Variants in PVT1 observed in about 807,000 individuals in gnomAD.
PVT1 encodes CXCR4/PVT1 fusion.
At chr8:127,991,097 T>G (rs1279615894) in intron 4 of PVT1, among the ~76,000 whole-genome samples, 1 of 152,066 alleles carries the variant, frequency 6.6e-6, no homozygotes, top group Non-Finnish European at 1.5e-5. Context: ...AGCTGACAAG[T>G]CTTCCTTGGG....
intron 4 of PVT1, among the ~76,000 whole-genome samples, chr8:128,052,292 A>G (rs140996435): frequency 6.7e-4 from 86 of 128,750 alleles, no homozygotes; most frequent in African/African-American, 2.4e-3. Flanking sequence ...GTGAAGGCCA[A>G]CCTGGTACTA....
rs569658514 is a variant in PVT1 at position 127,943,489 on chromosome 8, C to T, written n.783-45673C>T. On this transcript the variant is annotated intron_variant and non_coding_transcript_variant, in intron 3 of 10. Transcript: ENST00000651587. ...CTACAGCAGAGTTTCTCAGCCTTGG[C>T]GCTGTTCATATTTTGGGTCAGATGA... 2.2e-4 allele frequency among the ~76,000 whole-genome samples: 34 copies of T among 152,224 alleles called. 1 individual carries two copies. The South Asian group carries it at 5.4e-3, about 24-fold the overall frequency.
At chr8:127,991,002 T>C (rs1195831418) in intron 4 of PVT1, among the ~76,000 whole-genome samples, 2 of 152,234 alleles carry the variant, frequency 1.3e-5, no homozygotes, top group Admixed American at 6.5e-5. Context: ...TGTTTAGAGC[T>C]CAGCACCTTT....
At chr8:127,969,208 T>C (rs1816736135) in intron 3 of PVT1, among the ~76,000 whole-genome samples, 2 of 152,186 alleles carry the variant, frequency 1.3e-5, no homozygotes, top group Admixed American at 1.3e-4. Context: ...TCATTCTTCA[T>C]TATTAATGGG....
At chr8:128,039,965 T>C (rs1813511667) in intron 4 of PVT1, among the ~76,000 whole-genome samples, 1 of 152,238 alleles carries the variant, frequency 6.6e-6, no homozygotes. Context: ...AACTACAGAA[T>C]GAAGTTTCCA....
chr8:127,991,634 G>C (rs1452398400), intron 4 of PVT1, among the ~76,000 whole-genome samples: 1 of 152,196 alleles, frequency 6.6e-6, no homozygotes, highest in African/African-American at 2.4e-5. Context: ...TGGCAGGTCT[G>C]TCTCGGGGTG....
intron 3 of PVT1, among the ~76,000 whole-genome samples, chr8:127,979,411 C>T (rs1374859015): frequency 6.6e-6 from 1 of 152,230 alleles, no homozygotes; most frequent in East Asian, 1.9e-4. Flanking sequence ...CCCTTCTGGT[C>T]CTGGAACCTT....
chr8:128,002,986 T>TTCCTTCCTTCCTTCCG (rs1817200331), intron 4 of PVT1, among the ~76,000 whole-genome samples: 1 of 123,322 alleles, frequency 8.1e-6, no homozygotes, highest in Non-Finnish European at 1.6e-5. Flanking sequence ...CCTTCCTTCC[T>TTCCTTCCTTCCTTCCG]TCCTTCCTCC....
intron 4 of PVT1, among the ~76,000 whole-genome samples, chr8:128,050,002 C>G (rs1410822166): frequency 6.6e-6 from 1 of 152,140 alleles, no homozygotes; most frequent in Non-Finnish European, 1.5e-5. Flanking sequence ...AGGAGATGAC[C>G]GATGATCACG....
At chr8:127,853,651 G>T (rs2129737484) in intron 2 of PVT1, among the ~76,000 whole-genome samples, 1 of 152,002 alleles carries the variant, frequency 6.6e-6, no homozygotes, top group South Asian at 2.1e-4. Context: ...TGTGGTGGTG[G>T]GTGCCTGTAA....
chr8:127,847,891 A>C (rs1815053825), intron 2 of PVT1, among the ~76,000 whole-genome samples: 1 of 151,970 alleles, frequency 6.6e-6, no homozygotes, highest in Non-Finnish European at 1.5e-5. Flanking sequence ...AGGGAGGAAG[A>C]TGCATGAAGA....
At chr8:127,968,388 G>T (rs1018058009) in intron 3 of PVT1, among the ~76,000 whole-genome samples, 1 of 152,024 alleles carries the variant, frequency 6.6e-6, no homozygotes, top group Non-Finnish European at 1.5e-5. Flanking sequence ...GGGTGGGATG[G>T]GGGGTGGTTT....
intron 3 of PVT1, among the ~76,000 whole-genome samples, chr8:127,916,898 G>T (rs898330640): frequency 6.6e-6 from 1 of 152,196 alleles, no homozygotes; most frequent in African/African-American, 2.4e-5. Flanking sequence ...CTAGGGGAGC[G>T]TGAGTATCGT....
At chr8:127,796,652 G>T in intron 2 of PVT1, among the ~76,000 whole-genome samples, 1 of 152,112 alleles carries the variant, frequency 6.6e-6, no homozygotes, top group Non-Finnish European at 1.5e-5. Flanking sequence ...TGTGTGAGTG[G>T]CCCTGCATTT....
intron 3 of PVT1, among the ~76,000 whole-genome samples, chr8:127,978,104 A>T (rs142660694): frequency 5.6e-4 from 85 of 152,222 alleles, no homozygotes; most frequent in African/African-American, 2.0e-3. Flanking sequence ...CAAGCTGCTG[A>T]TCACAAGTTA....
intron 4 of PVT1, among the ~76,000 whole-genome samples, chr8:128,056,237 T>C (rs999760505): frequency 1.3e-5 from 2 of 152,216 alleles, no homozygotes; most frequent in Non-Finnish European, 2.9e-5. Flanking sequence ...ATAATGTTGG[T>C]ACTGAAGTGG....
intron 3 of PVT1, among the ~76,000 whole-genome samples, chr8:127,942,724 A>T (rs758152570): frequency 6.6e-6 from 1 of 152,084 alleles, no homozygotes. Context: ...TGCTCTAAGT[A>T]TTGGAGCCTC....
chr8:128,071,685 C>G (rs1032620954), intron 5 of PVT1, among the ~76,000 whole-genome samples: 7 of 34,066 alleles, frequency 2.1e-4, no homozygotes, highest in African/African-American at 8.8e-4. Flanking sequence ...GACTCTGTCT[C>G]TAAAATAAAT....
chr8:127,975,151 TC>T (rs1026934497), intron 3 of PVT1, among the ~76,000 whole-genome samples: 2 of 152,202 alleles, frequency 1.3e-5, no homozygotes, highest in African/African-American at 4.8e-5. Context: ...ACCTTTTTCT[TC>T]TTGGAAAATC....
Sources: allele counts gnomAD v4.1 joint callset (sites outside exome capture counted in the v4.1 genomes callset), GRCh38; gene constraint gnomAD v4.1.1; transcripts MANE v1.5; gene names NCBI Gene and HGNC (gene_info 2026-07-23, HGNC 2026-07-21).